Variants in NRXN3 observed in about 807,000 individuals in gnomAD.
NRXN3 encodes neurexin III.
Under a neutral mutation model 137.6 loss-of-function variants are expected in NRXN3, and 32 were observed. The observed-to-expected ratio is 0.23, with a 90% CI of 0.18 to 0.31. The LOEUF (loss-of-function observed/expected upper bound fraction) is 0.31. Among genes scored for constraint, NRXN3 ranks in the 10% least tolerant of loss-of-function variants. NRXN3 has a pLI of 1.00. For synonymous variants in NRXN3, 798 were observed against 784.5 expected, an observed-to-expected ratio of 1.02 and a Z score of -0.29; for missense variants, 1,574 against 2,062.5, an observed-to-expected ratio of 0.76 and a Z score of 4.59.
At chr14:79,041,975 C>G (rs1179283258) in intron 15 of NRXN3, among the ~76,000 whole-genome samples, 1 of 151,996 alleles carries the variant, frequency 6.6e-6, no homozygotes, top group South Asian at 2.1e-4. Context: ...GAGAGATAGC[C>G]TGGAGAGAAA....
chr14:79,254,684 T>C (rs554999983), intron 15 of NRXN3, among the ~76,000 whole-genome samples: 6 of 152,248 alleles, frequency 3.9e-5, no homozygotes, highest in East Asian at 1.9e-4. Context: ...CTGCCATCAG[T>C]TGAGAGGAAA....
chr14:79,118,294 G>T (rs1303175418), intron 15 of NRXN3, among the ~76,000 whole-genome samples: 1 of 152,134 alleles, frequency 6.6e-6, no homozygotes, highest in African/African-American at 2.4e-5. Flanking sequence ...AAAAAACAAG[G>T]GACATCAAAT....
chr14:78,521,207 A>C (rs8003897), intron 4 of NRXN3, among the ~76,000 whole-genome samples: 104,577 of 151,934 alleles, frequency 0.69, 36,192 homozygotes, highest in East Asian at 0.72. Context: ...ACCGTCATTT[A>C]TTTCTGCCTC....
At chr14:79,722,573 C>T (rs1336883703) in intron 19 of NRXN3, among the ~76,000 whole-genome samples, 1 of 152,160 alleles carries the variant, frequency 6.6e-6, no homozygotes, top group Non-Finnish European at 1.5e-5. Context: ...CTTTGCCACT[C>T]TTTGTCTTCT....
chr14:78,209,354 C>G lies in NRXN3; in HGVS notation c.-703-33037C>G, dbSNP rs528532408. 3.3e-5 allele frequency among the ~76,000 whole-genome samples: 5 copies of G among 152,296 alleles called. No individual in the cohort carries two copies. In the South Asian group the frequency reaches 1.0e-3, roughly 32 times the overall value. On this transcript the variant is annotated intron_variant, in intron 1 of 20. Coordinates refer to ENST00000335750, the MANE Select transcript of NRXN3 (RefSeq NM_001330195.2). ...GCTGAAGGAGAACACAGAGGCTGGA[C>G]AGGTCTGCTCTCAGGGCCGGTGCGA...
chr14:79,365,576 G>A (rs1010911178), intron 15 of NRXN3, among the ~76,000 whole-genome samples: 7 of 150,700 alleles, frequency 4.6e-5, no homozygotes, highest in East Asian at 3.9e-4. Context: ...AAAATTAGCC[G>A]GGCGCGGTGG....
At chr14:78,520,257 A>T (rs180907614) in intron 4 of NRXN3, among the ~76,000 whole-genome samples, 54 of 152,304 alleles carry the variant, frequency 3.5e-4, no homozygotes, top group African/African-American at 1.3e-3. Flanking sequence ...CTGGATGGGC[A>T]TTTGATCAAC....
At chr14:78,340,762 T>C (rs1403491492) in intron 4 of NRXN3, among the ~76,000 whole-genome samples, 1 of 152,202 alleles carries the variant, frequency 6.6e-6, no homozygotes, top group African/African-American at 2.4e-5. Flanking sequence ...AGCCCACTTC[T>C]GTTGGTCAAA....
intron 16 of NRXN3, among the ~76,000 whole-genome samples, chr14:79,625,044 C>T (rs1295548007): frequency 6.6e-6 from 1 of 152,070 alleles, no homozygotes; most frequent in African/African-American, 2.4e-5. Context: ...AGTGATTCTC[C>T]CACCTCAGCC....
intron 15 of NRXN3, among the ~76,000 whole-genome samples, chr14:79,126,861 G>A (rs1022389129): frequency 2.6e-5 from 4 of 152,094 alleles, no homozygotes; most frequent in Admixed American, 1.3e-4. Context: ...TTTAATGATT[G>A]CCATTGTAAC....
chr14:78,289,744 T>C (rs1253905701), intron 3 of NRXN3, among the ~76,000 whole-genome samples: 1 of 151,874 alleles, frequency 6.6e-6, no homozygotes. Flanking sequence ...TTAAACCCCG[T>C]CTCTACTAAA....
chr14:79,033,840 T>A (rs1361713881), intron 15 of NRXN3, among the ~76,000 whole-genome samples: 1 of 152,136 alleles, frequency 6.6e-6, no homozygotes, highest in Non-Finnish European at 1.5e-5. Context: ...CTGGGTAGAC[T>A]AGTTTCAGCC....
intron 10 of NRXN3, among the ~76,000 whole-genome samples, chr14:78,838,028 G>T (rs1261737805): frequency 6.6e-6 from 1 of 152,080 alleles, no homozygotes; most frequent in Non-Finnish European, 1.5e-5. Flanking sequence ...ATATAGATTA[G>T]ATTTTTGTTA....
At chr14:78,275,550 C>T (rs545494170) in intron 2 of NRXN3, among the ~76,000 whole-genome samples, 2 of 152,214 alleles carry the variant, frequency 1.3e-5, no homozygotes, top group South Asian at 4.2e-4. Flanking sequence ...GCTGTCTTCA[C>T]ATGGTAACAA....
intron 15 of NRXN3, chr14:79,201,054 C>G (rs2065928719): frequency 6.6e-6 from 1 of 152,006 alleles, no homozygotes; most frequent in East Asian, 1.9e-4. Context: ...CAGACTGAGT[C>G]AAATTCAGTT....
At chr14:78,554,648 G>C (rs1433384378) in intron 4 of NRXN3, among the ~76,000 whole-genome samples, 1 of 152,124 alleles carries the variant, frequency 6.6e-6, no homozygotes, top group African/African-American at 2.4e-5. Flanking sequence ...GCTCTACCTA[G>C]TCTGTGATTC....
At chr14:78,444,537 A>G (rs1335867178) in intron 4 of NRXN3, among the ~76,000 whole-genome samples, 1 of 152,184 alleles carries the variant, frequency 6.6e-6, no homozygotes, top group Non-Finnish European at 1.5e-5. Context: ...GAGTGGAGTT[A>G]AGATGGAACC....
At chr14:79,358,617 GA>G (rs564688053) in intron 15 of NRXN3, among the ~76,000 whole-genome samples, 1 of 133,506 alleles carries the variant, frequency 7.5e-6, no homozygotes, top group African/African-American at 2.8e-5. Context: ...GAGAAAGAAA[GA>G]AAGAAAGAAA....
intron 4 of NRXN3, among the ~76,000 whole-genome samples, chr14:78,438,922 C>A (rs768210441): frequency 1.5e-4 from 23 of 151,792 alleles, no homozygotes; most frequent in Non-Finnish European, 2.6e-4. Flanking sequence ...ACTTGACAAG[C>A]TGGACGTGCT....
Sources: allele counts gnomAD v4.1 joint callset (sites outside exome capture counted in the v4.1 genomes callset), GRCh38; gene constraint gnomAD v4.1.1; transcripts MANE v1.5; gene names NCBI Gene and HGNC (gene_info 2026-07-23, HGNC 2026-07-21).